Variants in SGCD observed in about 807,000 individuals in gnomAD.
SGCD encodes delta-sarcoglycan.
In SGCD, 18 loss-of-function variants were observed where a neutral mutation model predicts 36.6. The observed-to-expected ratio is 0.49, with a 90% CI of 0.34 to 0.73. SGCD has a LOEUF of 0.73. Ranked by LOEUF, SGCD falls within the 30% of genes least tolerant of loss-of-function variation. SGCD has a pLI of 0.01. For synonymous variants in SGCD, 133 were observed against 130.6 expected, an observed-to-expected ratio of 1.02 and a Z score of -0.12; for missense variants, 387 against 346.7, an observed-to-expected ratio of 1.12 and a Z score of -0.92.
At chr5:155,904,723 G>GT in intron 1 of SGCD, among the ~76,000 whole-genome samples, 1 of 152,138 alleles carries the variant, frequency 6.6e-6, no homozygotes, top group South Asian at 2.1e-4. Flanking sequence ...GTAACTATAG[G>GT]TTTTTTAAAA....
intron 7 of SGCD, among the ~76,000 whole-genome samples, chr5:156,749,911 C>T (rs1757088612): frequency 6.6e-6 from 1 of 151,628 alleles, no homozygotes; most frequent in South Asian, 2.1e-4. Flanking sequence ...ATTGGTATTA[C>T]AAGAAAGAAA....
intron 3 of SGCD, among the ~76,000 whole-genome samples, chr5:156,185,272 T>C (rs1323708041): frequency 6.7e-6 from 1 of 148,344 alleles, no homozygotes; most frequent in Non-Finnish European, 1.5e-5. Flanking sequence ...TGGAGTGCAG[T>C]GGCACAATCT....
intron 1 of SGCD, among the ~76,000 whole-genome samples, chr5:156,115,083 T>C (rs1387206978): frequency 6.6e-6 from 1 of 152,160 alleles, no homozygotes; most frequent in African/African-American, 2.4e-5. Flanking sequence ...ATTTGCTTCC[T>C]AGTTGTTTAA....
chr5:156,693,941 C>T (rs1173336487), intron 7 of SGCD, among the ~76,000 whole-genome samples: 1 of 152,102 alleles, frequency 6.6e-6, no homozygotes, highest in Non-Finnish European at 1.5e-5. Flanking sequence ...TTATTCTCCC[C>T]ATTCTTCATT....
chr5:155,826,837 A>G, the SGCD span, among the ~76,000 whole-genome samples: 2 of 152,352 alleles, frequency 1.3e-5, no homozygotes, highest in African/African-American at 4.8e-5. Context: ...ATGAATGAGT[A>G]ATACATCTTA....
chr5:156,470,160 T>G (rs1423300678), intron 3 of SGCD, among the ~76,000 whole-genome samples: 1 of 152,172 alleles, frequency 6.6e-6, no homozygotes, highest in African/African-American at 2.4e-5. Flanking sequence ...TCAAATTCAT[T>G]TATTTCTTGA....
At chr5:155,925,213 A>G (rs1756973288) in intron 1 of SGCD, among the ~76,000 whole-genome samples, 1 of 152,174 alleles carries the variant, frequency 6.6e-6, no homozygotes, top group Admixed American at 6.5e-5. Context: ...CAGATTACTG[A>G]GCTCCTTTTC....
At chr5:156,411,523 T>C (rs1442913906) in intron 3 of SGCD, among the ~76,000 whole-genome samples, 4 of 152,258 alleles carry the variant, frequency 2.6e-5, no homozygotes, top group African/African-American at 9.6e-5. Context: ...GTGACTGGGC[T>C]CAGATCCTGG....
chr5:156,557,941 C>A (rs933480561), intron 4 of SGCD, among the ~76,000 whole-genome samples: 1 of 151,346 alleles, frequency 6.6e-6, no homozygotes, highest in African/African-American at 2.4e-5. Context: ...GGAGAGTTGT[C>A]CATCAAAAAT....
chr5:155,878,095 G>T (rs1312391517), intron 1 of SGCD, among the ~76,000 whole-genome samples: 1 of 152,044 alleles, frequency 6.6e-6, no homozygotes, highest in Non-Finnish European at 1.5e-5. Context: ...TGGGCTTATG[G>T]CAGAACTGGA....
At chr5:156,135,972 A>G (rs1332457111) in intron 3 of SGCD, among the ~76,000 whole-genome samples, 1 of 152,218 alleles carries the variant, frequency 6.6e-6, no homozygotes, top group Non-Finnish European at 1.5e-5. Flanking sequence ...AAAATGTAAC[A>G]CATTCTGATA....
At chr5:156,418,887 C>G (rs527754408) in intron 3 of SGCD, among the ~76,000 whole-genome samples, 1 of 152,204 alleles carries the variant, frequency 6.6e-6, no homozygotes, top group South Asian at 2.1e-4. Flanking sequence ...TTGGCATTAC[C>G]TTTTCTTTTT....
rs561356428 is a variant in SGCD, at chr5:156,084,811, G to A, written c.-281-33067G>A. Among the ~76,000 whole-genome samples the A allele has an allele frequency of 1.1e-3, 175 of 152,270 alleles. 2 individuals are homozygous for A. Among genetic ancestry groups the A allele is most frequent in the African/African-American group, 4.0e-3 (168 of 41,556 alleles). ...AGCATTTATGTTTTCATTAAGTATG[G>A]TGTTAGATACAGGTTTTTCCGTGGA... is the stretch of plus-strand genomic sequence containing the variant. On this transcript the variant is annotated intron_variant, in intron 1 of 9. Coordinates refer to the SGCD transcript ENST00000517913.
chr5:156,357,413 A>C (rs953032790), intron 3 of SGCD, among the ~76,000 whole-genome samples: 1 of 152,240 alleles, frequency 6.6e-6, no homozygotes, highest in Non-Finnish European at 1.5e-5. Context: ...GTCAAAAAGG[A>C]AAATGAATGT....
rs372017384 is a variant in SGCD, at chr5:156,691,062, C to T, written c.575+43526C>T. On this transcript the variant is annotated intron_variant, in intron 7 of 8. Transcript: ENST00000337851. ...TCTCTACTAAAAATACAAAAATTAGCCAAGAGTGGTGGTGGGTGCCTGTAA... is the reference window on the plus strand; with the variant it reads ...TCTCTACTAAAAATACAAAAATTAGTCAAGAGTGGTGGTGGGTGCCTGTAA... 3.3e-5 allele frequency among the ~76,000 whole-genome samples: 5 copies of T among 151,722 alleles called. No homozygotes were observed. The East Asian group carries it at 7.8e-4, about 24-fold the overall frequency.
intron 7 of SGCD, among the ~76,000 whole-genome samples, chr5:156,748,121 A>G (rs1377268720): frequency 1.3e-5 from 2 of 152,216 alleles, no homozygotes; most frequent in Non-Finnish European, 2.9e-5. Context: ...AAATCATAAA[A>G]GAGTAAAAAT....
intron 3 of SGCD, among the ~76,000 whole-genome samples, chr5:156,448,723 T>C (rs1753854146): frequency 6.9e-6 from 1 of 144,628 alleles, no homozygotes; most frequent in African/African-American, 2.6e-5. Flanking sequence ...AAGTTTCTTT[T>C]TCTTTTTCTT....
intron 1 of SGCD, among the ~76,000 whole-genome samples, chr5:155,957,119 A>T (rs1757678427): frequency 6.6e-6 from 1 of 152,002 alleles, no homozygotes; most frequent in Non-Finnish European, 1.5e-5. Context: ...TGAGAATGAC[A>T]TTTGATGAAG....
Position 156,463,191 on chromosome 5 carries a change from C to T in SGCD, c.193-45410C>T, listed in dbSNP as rs147293132. ...CGGAGTCTCACACTGTCGCCCAGGC[C>T]ACCACGTCTGGCTAATTTTTTGTAT... On this transcript the variant is annotated intron_variant, in intron 3 of 8. Coordinates refer to ENST00000337851, the MANE Select transcript of SGCD (RefSeq NM_000337.6). Among the ~76,000 whole-genome samples the T allele has an allele frequency of 4.4e-3, 669 of 152,126 alleles. 1 individual carries two copies. The highest frequency in any genetic ancestry group is 0.015 in the African/African-American group (629 of 41,514).
Sources: allele counts gnomAD v4.1 joint callset (sites outside exome capture counted in the v4.1 genomes callset), GRCh38; gene constraint gnomAD v4.1.1; transcripts MANE v1.5; gene names NCBI Gene and HGNC (gene_info 2026-07-23, HGNC 2026-07-21).